Variants in BCL10 observed in about 807,000 individuals in gnomAD.
BCL10 encodes BCL10 immune signaling adaptor.
Under a neutral mutation model 19.2 loss-of-function variants are expected in BCL10, and 5 were observed. The ratio of observed to expected loss-of-function variants is 0.26; its 90% confidence interval spans 0.14 to 0.55. The LOEUF (loss-of-function observed/expected upper bound fraction) is 0.55. Ranked by LOEUF, BCL10 falls within the 20% of genes least tolerant of loss-of-function variation. The pLI is 0.94. For synonymous variants in BCL10, 110 were observed against 98.8 expected (o/e 1.11, Z -0.67); for missense variants, 201 against 271.9 (o/e 0.74, Z 1.83).
chr1:85,267,967 C>A lies in BCL10; in HGVS notation c.362G>T (p.Ser121Ile). ...GGCTCCATCTGGAAAAGGTTCACAA[C>A]TGCTACATTTTAGTCCTACAATAAA... ...LEHLKGLKCS[S>I]CEPFPDGATN... The change falls in exon 3 of 3, where the codon AGT becomes ATT. Residue 121 changes from serine to isoleucine, a missense_variant. Around this residue, in one of 3 missense-constraint regions of BCL10, gnomAD observed 126 missense variants for 136.6 expected, o/e 0.92. Transcript: ENST00000648566. The A allele has an allele frequency of 6.4e-7, 1 of 1,565,760 alleles. No homozygotes were observed. The highest frequency in any genetic ancestry group is 8.6e-7 in the Non-Finnish European group (1 of 1,156,714).
chr1:85,274,050 G>A (rs1660439822), intron 1 of BCL10, among the ~76,000 whole-genome samples: 1 of 152,142 alleles, frequency 6.6e-6, no homozygotes, highest in South Asian at 2.1e-4. Flanking sequence ...TGCCCAGAAT[G>A]CTCTTCCCTC....
chr1:85,272,660 C>G (rs1660399629), intron 1 of BCL10, among the ~76,000 whole-genome samples: 1 of 152,084 alleles, frequency 6.6e-6, no homozygotes. Flanking sequence ...GGGCATGGCT[C>G]TAAAGTTGGA....
At chr1:85,276,172 C>G (rs2100755022) in intron 1 of BCL10, 124 bp downstream of exon 1, 6 of 1,233,704 alleles carry the variant, frequency 4.9e-6, no homozygotes, top group Non-Finnish European at 7.1e-6. Flanking sequence ...TCCTCCTGTG[C>G]TAGGACTTTC....
chr1:85,275,712 A>G (rs550183175), intron 1 of BCL10, among the ~76,000 whole-genome samples: 1 of 152,290 alleles, frequency 6.6e-6, no homozygotes, highest in Admixed American at 6.5e-5. Context: ...TAGCTACTGA[A>G]TATTTTCGAC....
intron 1 of BCL10, among the ~76,000 whole-genome samples, chr1:85,273,152 T>C (rs1025664087): frequency 1.3e-5 from 2 of 152,156 alleles, no homozygotes; most frequent in Non-Finnish European, 2.9e-5. Context: ...GTGTATACAC[T>C]TCATCTTTCT....
intron 1 of BCL10, 125 bp downstream of exon 1, chr1:85,276,171 G>T: frequency 1.6e-6 from 2 of 1,213,906 alleles, no homozygotes; most frequent in Non-Finnish European, 1.2e-6. Context: ...GTCCTCCTGT[G>T]CTAGGACTTT....
rs1032943781 is a variant in BCL10, at chr1:85,266,821, G to C, written c.*806C>G. On this transcript the variant is annotated 3_prime_UTR_variant, in exon 3 of 3. Coordinates refer to ENST00000648566, the MANE Select transcript of BCL10 (RefSeq NM_003921.5). Reference sequence around the variant, plus strand: ...GTAAGCATGGGAGGCAGAAGTTGCAGTGAGCCTAGAATGCGCCACTGCACT... The same window carrying C: ...GTAAGCATGGGAGGCAGAAGTTGCACTGAGCCTAGAATGCGCCACTGCACT... The C allele has an allele frequency of 2.4e-5, 4 of 163,874 alleles. No individual in the cohort carries two copies. Among genetic ancestry groups the C allele is most frequent in the African/African-American group, 1.0e-4 (4 of 38,110 alleles). 10.2% of individuals were successfully genotyped at this position (163,874 alleles called of 1,614,324 possible).
chr1:85,267,837 G>A lies in BCL10; in HGVS notation c.492C>T (p.Pro164=). ...YHPEGESSTT[P]FFSTNSSLNL... is the part of the protein sequence containing the mutation. Reference sequence around the variant, plus strand: ...TCAGAGAAGAATTAGTAGAAAAAAAGGGCGTCGTGCTGGATTCTCCTTCTG... The same window carrying A: ...TCAGAGAAGAATTAGTAGAAAAAAAAGGCGTCGTGCTGGATTCTCCTTCTG... Residue 164 remains proline, a synonymous_variant, in exon 3 of 3, where the codon CCC becomes CCT. Coordinates refer to ENST00000648566, the MANE Select transcript of BCL10 (RefSeq NM_003921.5). 1 of 1,614,218 alleles carries A rather than the reference G, an allele frequency of 6.2e-7. No homozygotes were observed. Among genetic ancestry groups the A allele is most frequent in the Non-Finnish European group, 8.5e-7 (1 of 1,180,038 alleles).
intron 1 of BCL10, among the ~76,000 whole-genome samples, chr1:85,275,980 G>A (rs1182292162): frequency 6.6e-6 from 1 of 152,204 alleles, no homozygotes; most frequent in Non-Finnish European, 1.5e-5. Context: ...AGTCCCTAAC[G>A]AAGCATCTCC....
rs1444329907 is a variant in BCL10 at position 85,276,385 on chromosome 1, C to A, written c.-33G>T. ...GCGGGAGATGGCGCTTCTTCCGGGT[C>A]CGGGAGCTCGGGCTGCGCCGCCCCG... On this transcript the variant is annotated 5_prime_UTR_variant, in exon 1 of 3. Transcript: ENST00000648566. The A allele has an allele frequency of 6.2e-7, 1 of 1,612,566 alleles. No individual in the cohort carries two copies. The highest frequency in any genetic ancestry group is 8.5e-7 in the Non-Finnish European group (1 of 1,179,168).
chr1:85,271,192 G>T (rs1570334431), intron 1 of BCL10, among the ~76,000 whole-genome samples: 1 of 152,332 alleles, frequency 6.6e-6, no homozygotes, highest in East Asian at 1.9e-4. Flanking sequence ...AAACAGGGAG[G>T]TCTGTTGAGG....
chr1:85,273,149 C>A (rs1205193086), intron 1 of BCL10, among the ~76,000 whole-genome samples: 1 of 152,176 alleles, frequency 6.6e-6, no homozygotes, highest in East Asian at 1.9e-4. Flanking sequence ...CTTGTGTATA[C>A]ACTTCATCTT....
Position 85,276,329 on chromosome 1 carries a change from G to A in BCL10, c.24C>T (p.Leu8=), listed in dbSNP as rs11576939. The A allele has an allele frequency of 6.2e-7, 1 of 1,613,926 alleles. No homozygotes were observed. Among genetic ancestry groups the A allele is most frequent in the Non-Finnish European group, 8.5e-7 (1 of 1,179,936 alleles). Residue 8 remains leucine (L), a synonymous_variant, in exon 1 of 3, where the codon CTC becomes CTT. Coordinates refer to ENST00000648566, the MANE Select transcript of BCL10 (RefSeq NM_003921.5). The part of the protein sequence containing the change: MEPTAPS[L]TEEDLTEVKK... ...TCACTTCAGTGAGGTCCTCCTCGGT[G>A]AGGGACGGTGCGGTGGGCTCCATGG...
rs371059157 is a variant in BCL10, at chr1:85,266,096, A to G, written c.*1531T>C. 3.4e-3 allele frequency among the ~76,000 whole-genome samples: 519 copies of G among 152,330 alleles called. 2 individuals are homozygous for G. Among genetic ancestry groups the G allele is most frequent in the African/African-American group, 0.012 (495 of 41,572 alleles). On this transcript the variant is annotated 3_prime_UTR_variant, in exon 3 of 3. Transcript: ENST00000648566. ...AAAAATTTTTAAAGCTAATATGCCA[A>G]TCTTCTTCATGTCGGATAAATTCAT...
Position 85,276,558 on chromosome 1 carries a change from G to A in BCL10, c.-206C>T, listed in dbSNP as rs1570341804. 1 of 605,782 alleles carries A rather than the reference G, an allele frequency of 1.7e-6. No homozygotes were observed. The highest frequency in any genetic ancestry group is 2.9e-6 in the Non-Finnish European group (1 of 343,598). 37.5% of individuals were successfully genotyped at this position (605,782 alleles called of 1,614,324 possible). A position where few individuals can be genotyped will look rare whatever the true frequency, so the allele number is the denominator to read the frequency against. On this transcript the variant is annotated 5_prime_UTR_variant, in exon 1 of 3. Transcript: ENST00000648566. ...CGGCCCCGCCTCTGAGGTCGACGGC[G>A]ACGCGAATCTACGCGACGCGACGCG...
intron 2 of BCL10, among the ~76,000 whole-genome samples, chr1:85,270,272 GT>G (rs1157552422): frequency 6.6e-6 from 1 of 152,282 alleles, no homozygotes; most frequent in African/African-American, 2.4e-5. Flanking sequence ...GATCATTTCT[GT>G]TTTTGTTTTG....
rs1245406467 is a variant in BCL10, at chr1:85,276,594, C to T, written c.-242G>A. The T allele has an allele frequency of 1.0e-5, 6 of 589,162 alleles. No homozygotes were observed. The highest frequency in any genetic ancestry group is 8.5e-5 in the East Asian group (3 of 35,228). 36.5% of individuals were successfully genotyped at this position (589,162 alleles called of 1,614,324 possible). A position where few individuals can be genotyped will look rare whatever the true frequency, so the allele number is the denominator to read the frequency against. The stretch of plus-strand genomic sequence containing the variant: ...ACGCGACGCGACGCGGAGCTCGGAG[C>T]AGCGTTCCTTCCCTCTCGTAGAGGC... On this transcript the variant is annotated 5_prime_UTR_variant, in exon 1 of 3. Transcript: ENST00000648566.
At chr1:85,268,940 G>A (rs935017594) in intron 2 of BCL10, among the ~76,000 whole-genome samples, 4 of 152,192 alleles carry the variant, frequency 2.6e-5, no homozygotes, top group African/African-American at 4.8e-5. Context: ...GCTGTGGTAC[G>A]AATGTATCCG....
rs1459766752 is a variant in BCL10, at chr1:85,266,617, A to G, written c.*1010T>C. ...CTAGGTGAGGTGGCTCGTGTCTGTA[A>G]TCCCAGCACTTTGGGAGGCCACGCT... On this transcript the variant is annotated 3_prime_UTR_variant, in exon 3 of 3. Coordinates refer to ENST00000648566, the MANE Select transcript of BCL10 (RefSeq NM_003921.5). The G allele has an allele frequency of 5.6e-6, 1 of 179,576 alleles. No homozygotes were observed. The highest frequency in any genetic ancestry group is 1.2e-5 in the Non-Finnish European group (1 of 83,756). The allele number at this position is 179,576 out of a possible 1,614,324, so 11.1% of individuals were successfully genotyped here. A position where few individuals can be genotyped will look rare whatever the true frequency, so the allele number is the denominator to read the frequency against.
Sources: allele counts gnomAD v4.1 joint callset (sites outside exome capture counted in the v4.1 genomes callset), GRCh38; gene constraint gnomAD v4.1.1; regional missense constraint gnomAD v4.1.1; transcripts MANE v1.5; gene names NCBI Gene and HGNC (gene_info 2026-07-23, HGNC 2026-07-21).